Variants in LRRC63 observed in about 807,000 individuals in gnomAD.
LRRC63 encodes leucine rich repeat containing 63.
Under a neutral mutation model 49.5 loss-of-function variants are expected in LRRC63, and 40 were observed. That is an observed-to-expected ratio of 0.81 (90% CI 0.63 to 1.05). The LOEUF (loss-of-function observed/expected upper bound fraction) is 1.05. Among genes scored for constraint, LRRC63 ranks in the 50% least tolerant of loss-of-function variants. The pLI, the probability that LRRC63 is intolerant of heterozygous loss-of-function variation, is 0.00. For missense variants in LRRC63, 636 were observed against 663.1 expected, an observed-to-expected ratio of 0.96 and a Z score of 0.45; for synonymous variants, 191 against 221.1, an observed-to-expected ratio of 0.86 and a Z score of 1.21.
At chr13:46,248,580 A>G (rs560431415) in intron 6 of LRRC63, among the ~76,000 whole-genome samples, 362 of 152,120 alleles carry the variant, frequency 2.4e-3, no homozygotes, top group Non-Finnish European at 4.5e-3. Flanking sequence ...TTATCAGATA[A>G]TAGAACTTTA....
At chr13:46,221,893 T>C (rs2046415953) in intron 2 of LRRC63, among the ~76,000 whole-genome samples, 1 of 152,172 alleles carries the variant, frequency 6.6e-6, no homozygotes, top group African/African-American at 2.4e-5. Context: ...AGCAGACCCC[T>C]AGAGCAACAT....
chr13:46,238,742 G>A (rs914708436), intron 5 of LRRC63, among the ~76,000 whole-genome samples: 6 of 152,108 alleles, frequency 3.9e-5, no homozygotes, highest in Non-Finnish European at 8.8e-5. Context: ...TGATATTTGG[G>A]TGGGGACACA....
intron 9 of LRRC63, among the ~76,000 whole-genome samples, chr13:46,268,205 A>G (rs1361983985): frequency 2.0e-5 from 3 of 152,210 alleles, no homozygotes; most frequent in Non-Finnish European, 2.9e-5. Context: ...AACTAAAAAT[A>G]TAATAGTTAA....
intron 9 of LRRC63, among the ~76,000 whole-genome samples, chr13:46,271,777 A>C (rs2047762508): frequency 6.6e-6 from 1 of 151,992 alleles, no homozygotes; most frequent in South Asian, 2.1e-4. Context: ...ATCAGTTAAC[A>C]CTGAATTTCA....
intron 9 of LRRC63, chr13:46,269,949 C>A (rs2047733906): frequency 4.0e-6 from 1 of 250,828 alleles, no homozygotes; most frequent in Non-Finnish European, 7.8e-6. Context: ...TTGGGAGATG[C>A]ATTCCAAGAC....
intron 9 of LRRC63, among the ~76,000 whole-genome samples, chr13:46,276,038 GT>G (rs1266853018): frequency 6.6e-6 from 1 of 152,034 alleles, no homozygotes; most frequent in Non-Finnish European, 1.5e-5. Flanking sequence ...CTTTACCTGT[GT>G]TCTCTTGACA....
At chr13:46,212,874 A>T (rs1283230697) in intron 1 of LRRC63, 128 bp from the exon 2 acceptor site, 2 of 513,910 alleles carry the variant, frequency 3.9e-6, no homozygotes, top group Admixed American at 3.7e-5. Flanking sequence ...TTTTTCATAA[A>T]GGAATTCTGC....
At chr13:46,215,239 A>G (rs1422769677) in intron 2 of LRRC63, among the ~76,000 whole-genome samples, 1 of 152,206 alleles carries the variant, frequency 6.6e-6, no homozygotes, top group Non-Finnish European at 1.5e-5. Flanking sequence ...ACAGTGTAAA[A>G]GTGTTCCTAT....
chr13:46,256,547 G>A (rs913725114), intron 7 of LRRC63, among the ~76,000 whole-genome samples: 1 of 152,204 alleles, frequency 6.6e-6, no homozygotes, highest in African/African-American at 2.4e-5. Flanking sequence ...CTTGGAATTG[G>A]TAATTCCTGT....
intron 1 of LRRC63, 67 bp from the exon 2 acceptor site, chr13:46,212,935 T>C (rs555969398): frequency 2.8e-4 from 220 of 788,628 alleles, no homozygotes; most frequent in Non-Finnish European, 2.6e-4. Context: ...AGATGTAATC[T>C]AAATTCTTAT....
At chr13:46,251,082 A>C (rs1203165499) in intron 7 of LRRC63, among the ~76,000 whole-genome samples, 1 of 151,876 alleles carries the variant, frequency 6.6e-6, no homozygotes, top group African/African-American at 2.4e-5. Flanking sequence ...CCAAATGTCA[A>C]AACAAGATAC....
chr13:46,261,805 T>C (rs2138573181), intron 7 of LRRC63, 104 bp from the exon 8 acceptor site: 1 of 373,346 alleles, frequency 2.7e-6, no homozygotes, highest in South Asian at 1.4e-4. Context: ...TTCAAGATCT[T>C]AGAAATCTGG....
rs199499025 is a variant in LRRC63, at chr13:46,276,826, GTGTATA to G, written c.*25_*30del. On this transcript the variant is annotated 3_prime_UTR_variant, in exon 10 of 10. Transcript: ENST00000595396. Reference sequence around the variant, plus strand: ...TAGTACAATGATTTATCGTATGTGTGTGTATATATATATATATATATATATTTATAT... The same window carrying G: ...TAGTACAATGATTTATCGTATGTGTGTATATATATATATATATATTTATAT... 6.8e-4 allele frequency: 112 copies of G among 165,286 alleles called. 2 individuals are homozygous for G. The highest frequency in any genetic ancestry group is 2.1e-3 in the African/African-American group (65 of 30,402). 10.2% of individuals were successfully genotyped at this position (165,286 alleles called of 1,614,324 possible). A position where few individuals can be genotyped will look rare whatever the true frequency, so the allele number is the denominator to read the frequency against.
At chr13:46,250,380 T>C in exon 7 of LRRC63, 2 of 1,520,148 alleles carry the variant, frequency 1.3e-6, no homozygotes, top group Non-Finnish European at 1.8e-6. Flanking sequence ...AATTTACAAA[T>C]ACTGAAATTG....
chr13:46,228,213 T>C (rs892456779), intron 3 of LRRC63, 24 bp downstream of exon 3: 1 of 1,485,908 alleles, frequency 6.7e-7, no homozygotes, highest in Admixed American at 2.1e-5. Flanking sequence ...GAACACGGTA[T>C]AATTATAGAG....
chr13:46,232,116 G>A (rs1161313172), intron 4 of LRRC63, among the ~76,000 whole-genome samples: 2 of 152,036 alleles, frequency 1.3e-5, no homozygotes, highest in Non-Finnish European at 2.9e-5. Flanking sequence ...CGCCCGGCCT[G>A]CCACACACTT....
chr13:46,231,815 C>CT (rs1295050179), intron 4 of LRRC63, among the ~76,000 whole-genome samples: 2,135 of 133,450 alleles, frequency 0.016, 76 homozygotes, highest in African/African-American at 0.049. Flanking sequence ...CTGCCACACA[C>CT]TTTTTTTTTT....
chr13:46,260,848 A>G (rs1230181209), intron 7 of LRRC63, among the ~76,000 whole-genome samples: 1 of 152,222 alleles, frequency 6.6e-6, no homozygotes, highest in Non-Finnish European at 1.5e-5. Flanking sequence ...GGACCAGATC[A>G]TGAGGACCTT....
chr13:46,241,523 G>C (rs1177507839), intron 5 of LRRC63, among the ~76,000 whole-genome samples: 1 of 152,142 alleles, frequency 6.6e-6, no homozygotes, highest in Non-Finnish European at 1.5e-5. Flanking sequence ...ACTATCAACA[G>C]AGTGAACAGA....
Sources: allele counts gnomAD v4.1 joint callset (sites outside exome capture counted in the v4.1 genomes callset), GRCh38; gene constraint gnomAD v4.1.1; transcripts MANE v1.5; gene names NCBI Gene and HGNC (gene_info 2026-07-23, HGNC 2026-07-21).